Variants in ZNF592 observed in about 807,000 individuals in gnomAD.
ZNF592 encodes the protein zinc finger protein 592.
Under a neutral mutation model 80.3 loss-of-function variants are expected in ZNF592, and 11 were observed. The ratio of observed to expected loss-of-function variants is 0.14; its 90% confidence interval spans 0.09 to 0.23. ZNF592 has a LOEUF of 0.23. ZNF592 is among the 10% of genes least tolerant of loss of function. ZNF592 has a pLI of 1.00. For missense variants in ZNF592, 1,420 were observed against 1,633.9 expected, an observed-to-expected ratio of 0.87 and a Z score of 2.26; for synonymous variants, 646 against 640.3, an observed-to-expected ratio of 1.01 and a Z score of -0.13.
At position 84,790,834 on chromosome 15, in the gene ZNF592, AC is replaced by A; in HGVS notation, c.2353del (p.His785MetfsTer2). 1 of 1,614,116 alleles carries A rather than the reference AC, an allele frequency of 6.2e-7. No individual in the cohort carries two copies. The highest frequency in any genetic ancestry group is 8.5e-7 in the Non-Finnish European group (1 of 1,180,022). On this transcript the variant is annotated frameshift_variant, in exon 5 of 11. Coordinates refer to ENST00000560079, the MANE Select transcript of ZNF592 (RefSeq NM_014630.3). LOFTEE classifies it high-confidence loss of function. ...CCTCTGCCGCTCTGCCTACTTCCAG[AC>A]CCATGTAAAGGAGAATTGCCTGCAC... ...GVLCRSAYFQ[T>X]HVKENCLHYA...
chr15:84,756,237 G>A (rs1001115060), intron 1 of ZNF592, among the ~76,000 whole-genome samples: 1 of 152,240 alleles, frequency 6.6e-6, no homozygotes, highest in African/African-American at 2.4e-5. Flanking sequence ...CTTACAGCTA[G>A]TCTTTGGATA....
In ZNF592 at chr15:84,783,479, C is replaced by A. The variant is rs772485200; in HGVS notation, c.804C>A (p.Val268=). The change falls in exon 4 of 11, where the codon GTC becomes GTA. Residue 268 remains valine, a synonymous_variant. Transcript: ENST00000560079. The surrounding 1 kb of genome is among the most constrained non-coding windows in gnomAD (Gnocchi z 5.0). ...GGGAGCTTGGTACCTGCTCATCAGTCCCCCCTAGGCAGCGTCTAAAGCCAG... is the reference window on the plus strand; with the variant it reads ...GGGAGCTTGGTACCTGCTCATCAGTACCCCCTAGGCAGCGTCTAAAGCCAG... The part of the protein sequence containing the change: ...LARELGTCSS[V]PPRQRLKPAH... 16 of 1,614,070 alleles carry A rather than the reference C, an allele frequency of 9.9e-6. No individual in the cohort carries two copies. The highest frequency in any genetic ancestry group is 9.9e-5 in the South Asian group (9 of 91,088).
chr15:84,792,948 C>G (rs903799441), intron 5 of ZNF592, among the ~76,000 whole-genome samples: 3 of 152,174 alleles, frequency 2.0e-5, no homozygotes, highest in East Asian at 3.8e-4. Flanking sequence ...TTACAGTATC[C>G]TGTAACACTT....
intron 4 of ZNF592, among the ~76,000 whole-genome samples, chr15:84,787,192 G>T (rs1365312064): frequency 1.3e-5 from 2 of 152,074 alleles, no homozygotes; most frequent in Admixed American, 6.6e-5. Flanking sequence ...AGAGGTCTGG[G>T]TGTAGGATCC....
At position 84,783,488 on chromosome 15, in the gene ZNF592, G is replaced by C. The variant is rs1299607339; in HGVS notation, c.813G>C (p.Arg271Ser). The change falls in exon 4 of 11, where the codon AGG (arginine) becomes AGC (serine). Residue 271 changes from arginine to serine, a missense_variant. Physicochemically the swap from Arg to Ser is moderately radical, Grantham distance 110. Coordinates refer to ENST00000560079, the MANE Select transcript of ZNF592 (RefSeq NM_014630.3). The surrounding 1 kb of genome is among the most constrained non-coding windows in gnomAD (Gnocchi z 5.0). ...ELGTCSSVPPRQRLKPAHSKL... is the reference protein window; with the variant it reads ...ELGTCSSVPPSQRLKPAHSKL... Reference sequence around the variant, plus strand: ...GTACCTGCTCATCAGTCCCCCCTAGGCAGCGTCTAAAGCCAGCTCATTCCA... The same window carrying C: ...GTACCTGCTCATCAGTCCCCCCTAGCCAGCGTCTAAAGCCAGCTCATTCCA... 1 of 1,614,224 alleles carries C rather than the reference G, an allele frequency of 6.2e-7. No individual in the cohort carries two copies.
At position 84,804,289 on chromosome 15, in the gene ZNF592, C is replaced by A; in HGVS notation, c.*1896C>A. 6.6e-6 allele frequency: 1 copy of A among 152,396 alleles called. No homozygotes were observed. 9.4% of individuals were successfully genotyped at this position (152,396 alleles called of 1,614,324 possible). A position where few individuals can be genotyped will look rare whatever the true frequency, so the allele number is the denominator to read the frequency against. On this transcript the variant is annotated 3_prime_UTR_variant, in exon 11 of 11. Transcript: ENST00000560079. Reference sequence around the variant, plus strand: ...AGTTACAGGAAGCCATCCCTGTACCCTGGGTCCATTCACAGGAATGGGTTC... The same window carrying A: ...AGTTACAGGAAGCCATCCCTGTACCATGGGTCCATTCACAGGAATGGGTTC...
In ZNF592 at chr15:84,788,413, G is replaced by C. The variant is rs183033141; in HGVS notation, c.2221-2292G>C. 2.2e-3 allele frequency among the ~76,000 whole-genome samples: 342 copies of C among 152,002 alleles called. 2 individuals are homozygous for C. Among genetic ancestry groups the C allele is most frequent in the Admixed American group, 4.3e-3 (65 of 15,274 alleles). On this transcript the variant is annotated intron_variant, in intron 4 of 10. Coordinates refer to ENST00000560079, the MANE Select transcript of ZNF592 (RefSeq NM_014630.3). ...TGTATAAAGTATATTTTTTGCTTCC[G>C]TGAGGGCTATTTGGTTACTCTGAAA... is the stretch of plus-strand genomic sequence containing the variant.
At chr15:84,765,941 GA>G (rs1401877167) in intron 2 of ZNF592, among the ~76,000 whole-genome samples, 1 of 150,678 alleles carries the variant, frequency 6.6e-6, no homozygotes, top group Non-Finnish European at 1.5e-5. Flanking sequence ...TACACATATA[GA>G]AAAAAAATAT....
At chr15:84,777,027 A>G (rs551435622) in intron 2 of ZNF592, among the ~76,000 whole-genome samples, 3 of 151,884 alleles carry the variant, frequency 2.0e-5, no homozygotes, top group African/African-American at 7.2e-5. Flanking sequence ...ACTCCAGCCC[A>G]GGAGACAGTG....
intron 4 of ZNF592, 30 bp from the exon 5 acceptor site, chr15:84,790,675 A>G (rs1309147097): frequency 2.5e-6 from 4 of 1,613,754 alleles, no homozygotes; most frequent in East Asian, 2.2e-5. Context: ...TGGCCCCTGC[A>G]TGATCTGCTT....
intron 5 of ZNF592, among the ~76,000 whole-genome samples, chr15:84,792,066 A>T (rs148279976): frequency 6.6e-6 from 1 of 152,012 alleles, no homozygotes; most frequent in East Asian, 1.9e-4. Flanking sequence ...GCGAACACAT[A>T]TATTAGTGAG....
Position 84,790,862 on chromosome 15 carries a change from A to G in ZNF592, c.2378A>G (p.Tyr793Cys), listed in dbSNP as rs370083133. 3 of 1,614,092 alleles carry G rather than the reference A, an allele frequency of 1.9e-6. No individual in the cohort carries two copies. The highest frequency in any genetic ancestry group is 2.5e-6 in the Non-Finnish European group (3 of 1,180,042). ...CATGTAAAGGAGAATTGCCTGCACT[A>G]TGCCCGCAAGGTGGGCTACAGGTGG... Reference protein sequence around the residue: ...QTHVKENCLHYARKVGYRCIH... With the variant: ...QTHVKENCLHCARKVGYRCIH... Residue 793 changes from tyrosine to cysteine, a missense_variant, in exon 5 of 11, where the codon TAT (tyrosine) becomes TGT (cysteine). By Grantham distance (194) the Tyr-to-Cys change is radical. Around this residue, in one of 7 missense-constraint regions of ZNF592, gnomAD observed 524 missense variants for 628.3 expected, o/e 0.83. Coordinates refer to ENST00000560079, the MANE Select transcript of ZNF592 (RefSeq NM_014630.3).
At position 84,777,694 on chromosome 15, in the gene ZNF592, C is replaced by CCTTT. The variant is rs1432630650; in HGVS notation, c.-149-489_-149-488insCTTT. 7.1e-5 allele frequency among the ~76,000 whole-genome samples: 7 copies of CCTTT among 98,426 alleles called. 2 individuals carry two copies. Among genetic ancestry groups the CCTTT allele is most frequent in the Admixed American group, 1.2e-4 (1 of 8,106 alleles). The allele number at this position is 98,426 out of a possible 152,430, so 64.6% of individuals were successfully genotyped here. On this transcript the variant is annotated intron_variant, in intron 2 of 10. Coordinates refer to ENST00000560079, the MANE Select transcript of ZNF592 (RefSeq NM_014630.3). Reference sequence around the variant, plus strand: ...GAAAATAATTTCGTCTGTTGAGATACTTTTTTTTTTTTTTTTTTTTTTTGA... The same window carrying CCTTT: ...GAAAATAATTTCGTCTGTTGAGATACCTTTTTTTTTTTTTTTTTTTTTTTTTTGA...
chr15:84,777,253 G>A (rs1397271744), intron 2 of ZNF592, among the ~76,000 whole-genome samples: 1 of 151,962 alleles, frequency 6.6e-6, no homozygotes, highest in East Asian at 1.9e-4. Flanking sequence ...GAGGTGGGTG[G>A]ATCAGTTGAG....
At chr15:84,754,272 T>C (rs1005716193) in intron 1 of ZNF592, among the ~76,000 whole-genome samples, 2 of 152,138 alleles carry the variant, frequency 1.3e-5, no homozygotes, top group Non-Finnish European at 2.9e-5. Flanking sequence ...GAGGTAATAA[T>C]GGGCAGCTGG....
chr15:84,800,192 A>G (rs367913421), intron 10 of ZNF592, among the ~76,000 whole-genome samples: 25 of 152,198 alleles, frequency 1.6e-4, no homozygotes, highest in African/African-American at 5.8e-4. Flanking sequence ...GCCTTTTGTT[A>G]CTGTTGCTTC....
chr15:84,790,136 G>T (rs1962704330), intron 4 of ZNF592, among the ~76,000 whole-genome samples: 1 of 149,984 alleles, frequency 6.7e-6, no homozygotes, highest in South Asian at 2.1e-4. Context: ...TGCAGAGTGG[G>T]CAAACAGGGC....
Position 84,798,802 on chromosome 15 carries a change from C to G in ZNF592, c.2951C>G (p.Thr984Ser). ...ARPRLRNTGW[T>S]CQECQEWVPD... ...CCGCGGCTGAGGAACACTGGCTGGA[C>G]CTGCCAGGAGTGCCAGGAGTGGGTT... is the stretch of plus-strand genomic sequence containing the variant. Residue 984 changes from threonine (T) to serine (S), a missense_variant, in exon 8 of 11, where the codon ACC (threonine) becomes AGC (serine). By Grantham distance (58) the Thr-to-Ser change is moderately conservative. Transcript: ENST00000560079. The surrounding 1 kb of genome is among the most constrained non-coding windows in gnomAD (Gnocchi z 4.5). The G allele has an allele frequency of 6.2e-7, 1 of 1,601,602 alleles. No homozygotes were observed. Among genetic ancestry groups the G allele is most frequent in the Non-Finnish European group, 8.5e-7 (1 of 1,179,646 alleles).
chr15:84,802,591 C>T lies in ZNF592; in HGVS notation c.*198C>T. ...GTGGGGTCGGCCAGGACCCTCACAG[C>T]TCTGAATTTGCTTCTGTTATTTATG... On this transcript the variant is annotated 3_prime_UTR_variant, in exon 11 of 11. Transcript: ENST00000560079. 1.6e-6 allele frequency: 1 copy of T among 638,252 alleles called. No homozygotes were observed. The highest frequency in any genetic ancestry group is 2.8e-5 in the Admixed American group (1 of 35,524). 39.5% of individuals were successfully genotyped at this position (638,252 alleles called of 1,614,324 possible).
Sources: gnomAD v4.1 joint callset for allele counts (sites outside exome capture counted in the v4.1 genomes callset) on GRCh38, gnomAD v4.1.1 for gene constraint, gnomAD v4.1.1 regional missense constraint, Gnocchi (gnomAD v3.1) non-coding constraint, MANE v1.5 for transcripts, NCBI Gene and HGNC (gene_info 2026-07-23, HGNC 2026-07-21) for gene names.